The following CLOCK variants were observed in gnomAD, a reference collection of about 807,000 sequenced individuals.
CLOCK encodes clock circadian regulator.
CLOCK carries 43 observed loss-of-function variants against 118.4 expected under a neutral mutation model. That is an observed-to-expected ratio of 0.36 (90% CI 0.28 to 0.47). The LOEUF is 0.47. Ranked by LOEUF, CLOCK falls within the 20% of genes least tolerant of loss-of-function variation. CLOCK has a pLI of 1.00. For missense variants in CLOCK, 846 were observed against 999.9 expected (o/e 0.85, Z 2.08); for synonymous variants, 326 against 339.2 (o/e 0.96, Z 0.43).
chr4:55,530,864 A>G (rs1199611198), intron 1 of CLOCK, among the ~76,000 whole-genome samples: 2 of 151,646 alleles, frequency 1.3e-5, no homozygotes, highest in Non-Finnish European at 2.9e-5. Context: ...GAAACAGTAA[A>G]TCTAACCAGA....
In CLOCK at chr4:55,527,467, A is replaced by G. The variant is rs185094057; in HGVS notation, c.-289-17402T>C. On this transcript the variant is annotated intron_variant, in intron 1 of 22. Transcript: ENST00000513440. ...CACATAGCTTGCCCATATATTTTCT[A>G]TCAAAGGTGATCTACAAACTGATGT... Among the ~76,000 whole-genome samples the G allele has an allele frequency of 2.7e-4, 41 of 152,306 alleles. No individual in the cohort carries two copies. In the East Asian group the frequency reaches 6.9e-3, roughly 26 times the overall value.
Position 55,521,981 on chromosome 4 carries a change from A to G in CLOCK, c.-289-11916T>C, listed in dbSNP as rs1729873653. The stretch of plus-strand genomic sequence containing the variant: ...CAAAACAGAGATAGAGAGATCACAA[A>G]TAGAGTCATATGTATATTAAAAAGG... On this transcript the variant is annotated intron_variant, in intron 1 of 22. Transcript: ENST00000513440. Among the ~76,000 whole-genome samples the G allele has an allele frequency of 2.0e-5, 3 of 152,210 alleles. No homozygotes were observed. The East Asian group carries it at 5.8e-4, about 29-fold the overall frequency.
chr4:55,527,766 G>A (rs546196335), intron 1 of CLOCK, among the ~76,000 whole-genome samples: 1 of 152,084 alleles, frequency 6.6e-6, no homozygotes, highest in Non-Finnish European at 1.5e-5. Context: ...ATATCAGCTG[G>A]GTGTGGTGGC....
At chr4:55,505,624 A>G (rs1370026232) in intron 2 of CLOCK, among the ~76,000 whole-genome samples, 1 of 152,138 alleles carries the variant, frequency 6.6e-6, no homozygotes, top group African/African-American at 2.4e-5. Flanking sequence ...TGACTGCACC[A>G]CTGCACTCCA....
intron 1 of CLOCK, among the ~76,000 whole-genome samples, chr4:55,512,311 T>C (rs1326422872): frequency 1.3e-5 from 2 of 152,148 alleles, no homozygotes; most frequent in Admixed American, 6.6e-5. Flanking sequence ...TCATTTTAAT[T>C]TGCATTTCCA....
intron 2 of CLOCK, among the ~76,000 whole-genome samples, chr4:55,494,855 T>C (rs1727952406): frequency 6.6e-6 from 1 of 152,178 alleles, no homozygotes; most frequent in African/African-American, 2.4e-5. Flanking sequence ...CAGAGAGAAA[T>C]GCAGCCCGCT....
intron 1 of CLOCK, among the ~76,000 whole-genome samples, chr4:55,516,731 T>C (rs1245061708): frequency 6.6e-6 from 1 of 152,218 alleles, no homozygotes; most frequent in Non-Finnish European, 1.5e-5. Context: ...AGCTACCATA[T>C]TTGTGATTGC....
chr4:55,513,049 G>A (rs773120832), intron 1 of CLOCK, among the ~76,000 whole-genome samples: 15 of 152,094 alleles, frequency 9.9e-5, no homozygotes, highest in Non-Finnish European at 1.8e-4. Flanking sequence ...AGTGTACAGT[G>A]TATATAAAGT....
At chr4:55,509,527 C>T (rs541131526) in intron 2 of CLOCK, among the ~76,000 whole-genome samples, 1 of 152,304 alleles carries the variant, frequency 6.6e-6, no homozygotes, top group South Asian at 2.1e-4. Flanking sequence ...TGCAGTCTGG[C>T]TCTTCTTTTA....
chr4:55,431,350 ATTATAG>A lies in CLOCK; in HGVS notation c.*4059_*4064del, dbSNP rs1374933200. On this transcript the variant is annotated 3_prime_UTR_variant, in exon 23 of 23. Coordinates refer to ENST00000513440, the MANE Select transcript of CLOCK (RefSeq NM_004898.4). ...AGTGGGAGGCATGTAGAGGGTTCCT[ATTATAG>A]TTATATACAAATATATTAAATATAC... The A allele has an allele frequency of 1.3e-5, 2 of 152,334 alleles. No homozygotes were observed. The highest frequency in any genetic ancestry group is 2.4e-5 in the African/African-American group (1 of 41,590). 9.4% of individuals were successfully genotyped at this position (152,334 alleles called of 1,614,324 possible). A position where few individuals can be genotyped will look rare whatever the true frequency, so the allele number is the denominator to read the frequency against.
chr4:55,503,985 A>G (rs865834714), intron 2 of CLOCK, among the ~76,000 whole-genome samples: 2,001 of 141,210 alleles, frequency 0.014, 77 homozygotes, highest in Non-Finnish European at 0.023. Context: ...AGGTAAAAAA[A>G]AAAAAAAAAA....
At chr4:55,503,978 T>TTAAA (rs1553900256) in intron 2 of CLOCK, among the ~76,000 whole-genome samples, 22 of 71,148 alleles carry the variant, frequency 3.1e-4, no homozygotes, top group Non-Finnish European at 5.1e-4. Context: ...CAAAAAGAGG[T>TTAAA]AAAAAAAAAA....
At chr4:55,543,603 C>T (rs149469425) in intron 1 of CLOCK, among the ~76,000 whole-genome samples, 1 of 152,112 alleles carries the variant, frequency 6.6e-6, no homozygotes, top group Non-Finnish European at 1.5e-5. Context: ...ATTATATATA[C>T]ACTGTATTAA....
intron 1 of CLOCK, among the ~76,000 whole-genome samples, chr4:55,512,792 C>T (rs189447927): frequency 4.7e-4 from 72 of 152,214 alleles, no homozygotes; most frequent in African/African-American, 1.6e-3. Flanking sequence ...ACAGTTGCTC[C>T]GGTACCATTT....
intron 1 of CLOCK, among the ~76,000 whole-genome samples, chr4:55,514,224 T>G (rs1033482939): frequency 2.6e-5 from 4 of 152,290 alleles, no homozygotes; most frequent in Non-Finnish European, 5.9e-5. Flanking sequence ...TTCTCACCAT[T>G]ACATAAAACG....
chr4:55,479,025 A>G (rs530661477), intron 5 of CLOCK, 62 bp from the exon 6 acceptor site: 12 of 1,346,516 alleles, frequency 8.9e-6, no homozygotes, highest in Middle Eastern at 2.6e-4. Flanking sequence ...GTAGTTTAAT[A>G]CAATGTTAAT....
chr4:55,442,724 A>C (rs1723474287), intron 20 of CLOCK, 90 bp from the exon 21 acceptor site: 1 of 1,127,738 alleles, frequency 8.9e-7, no homozygotes, highest in African/African-American at 1.5e-5. Flanking sequence ...ACAATATGAC[A>C]ATATGACAGA....
At chr4:55,524,117 A>G (rs1255270474) in intron 1 of CLOCK, among the ~76,000 whole-genome samples, 1 of 152,118 alleles carries the variant, frequency 6.6e-6, no homozygotes, top group East Asian at 1.9e-4. Flanking sequence ...GGCCGGGCAT[A>G]GCAGCTGATG....
chr4:55,545,326 C>T (rs893960509), intron 1 of CLOCK: 1 of 152,132 alleles, frequency 6.6e-6, no homozygotes, highest in Admixed American at 6.5e-5. Flanking sequence ...TCAGAGAAAG[C>T]AATTCATTAT....
Sources: gnomAD v4.1 joint callset for allele counts (sites outside exome capture counted in the v4.1 genomes callset) on GRCh38, gnomAD v4.1.1 for gene constraint, MANE v1.5 for transcripts, NCBI Gene and HGNC (gene_info 2026-07-23, HGNC 2026-07-21) for gene names.